FGD4: variants seen among roughly 807,000 people sequenced by gnomAD.
FGD4 encodes FYVE, RhoGEF and PH domain containing 4.
In FGD4, 42 loss-of-function variants were observed where a neutral mutation model predicts 102.0. The ratio of observed to expected loss-of-function variants is 0.41; its 90% confidence interval spans 0.32 to 0.53. The LOEUF is 0.53. Ranked by LOEUF, FGD4 falls within the 20% of genes least tolerant of loss-of-function variation. The probability of loss-of-function intolerance (pLI) is 0.21; values close to 1 mark genes in which losing one functional copy is unlikely to be tolerated. For missense variants in FGD4, 902 were observed against 1,078.2 expected, an observed-to-expected ratio of 0.84 and a Z score of 2.29; for synonymous variants, 380 against 375.7, an observed-to-expected ratio of 1.01 and a Z score of -0.13.
At chr12:32,460,386 G>T (rs1248513518) in intron 1 of FGD4, among the ~76,000 whole-genome samples, 1 of 151,782 alleles carries the variant, frequency 6.6e-6, no homozygotes, top group African/African-American at 2.4e-5. Context: ...GTGGTGGTGC[G>T]TGCCCGTAGC....
intron 10 of FGD4, among the ~76,000 whole-genome samples, chr12:32,611,780 A>G (rs933730469): frequency 6.6e-6 from 1 of 152,236 alleles, no homozygotes. Flanking sequence ...TATGGATGGC[A>G]GGCAGTAGTG....
chr12:32,579,802 C>A (rs919272685), intron 3 of FGD4, among the ~76,000 whole-genome samples: 2 of 152,128 alleles, frequency 1.3e-5, no homozygotes, highest in African/African-American at 4.8e-5. Flanking sequence ...TGACATTTTC[C>A]CCTACTCAAT....
At chr12:32,447,616 G>T (rs1469105092) in intron 1 of FGD4, among the ~76,000 whole-genome samples, 1 of 152,154 alleles carries the variant, frequency 6.6e-6, no homozygotes, top group East Asian at 1.9e-4. Flanking sequence ...AGAATTAAAT[G>T]TACAACTGAA....
chr12:32,453,735 T>G (rs780158653), intron 1 of FGD4, among the ~76,000 whole-genome samples: 106 of 152,188 alleles, frequency 7.0e-4, no homozygotes, highest in Non-Finnish European at 1.3e-3. Flanking sequence ...ACTTTATTTT[T>G]TAGATTTTCA....
At chr12:32,617,644 A>C (rs1377380908) in intron 10 of FGD4, among the ~76,000 whole-genome samples, 1 of 152,252 alleles carries the variant, frequency 6.6e-6, no homozygotes, top group East Asian at 1.9e-4. Flanking sequence ...GGCATGAAAT[A>C]AAAGGGAATC....
intron 1 of FGD4, among the ~76,000 whole-genome samples, chr12:32,494,321 G>A (rs1169436212): frequency 1.3e-5 from 2 of 152,114 alleles, no homozygotes; most frequent in African/African-American, 4.8e-5. Flanking sequence ...GAGGTGCTGG[G>A]ATTTCGCAAA....
intron 15 of FGD4, among the ~76,000 whole-genome samples, chr12:32,638,332 C>T (rs1468825969): frequency 6.6e-6 from 1 of 152,186 alleles, no homozygotes; most frequent in Non-Finnish European, 1.5e-5. Context: ...TATTTAAACT[C>T]TGAGCCTCAG....
chr12:32,586,821 G>A lies in FGD4; in HGVS notation c.1011+4354G>A, dbSNP rs568458386. Among the ~76,000 whole-genome samples the A allele has an allele frequency of 3.3e-5, 5 of 152,162 alleles. No homozygotes were observed. The South Asian group carries it at 8.3e-4, about 25-fold the overall frequency. On this transcript the variant is annotated intron_variant, in intron 4 of 16. Transcript: ENST00000534526. ...ATGGAAGGCAGAACCTATTTTGTGG[G>A]CAAAAAATAAATTACATTTTGCAAT...
intron 1 of FGD4, among the ~76,000 whole-genome samples, chr12:32,447,178 G>C (rs1260599787): frequency 6.6e-6 from 1 of 152,172 alleles, no homozygotes; most frequent in Non-Finnish European, 1.5e-5. Flanking sequence ...ACTCCTTTGA[G>C]AAAATTTTTC....
intron 1 of FGD4, among the ~76,000 whole-genome samples, chr12:32,515,862 C>G (rs1009897571): frequency 4.6e-5 from 7 of 152,122 alleles, no homozygotes; most frequent in African/African-American, 1.7e-4. Context: ...GCCAAAATCC[C>G]ACAGAGGAAG....
At chr12:32,536,640 CCTGGCGAA>C (rs1357296011) in intron 1 of FGD4, among the ~76,000 whole-genome samples, 2 of 152,126 alleles carry the variant, frequency 1.3e-5, no homozygotes, top group Non-Finnish European at 2.9e-5. Flanking sequence ...ATTTTTATTC[CCTGGCGAA>C]TTGACACAAG....
chr12:32,531,055 G>A (rs945723248), intron 1 of FGD4, among the ~76,000 whole-genome samples: 2 of 142,972 alleles, frequency 1.4e-5, no homozygotes, highest in Non-Finnish European at 3.0e-5. Context: ...GGGTTCAAGC[G>A]ATTCTCCTGC....
intron 1 of FGD4, among the ~76,000 whole-genome samples, chr12:32,470,537 C>T (rs1253881190): frequency 1.4e-5 from 2 of 145,088 alleles, no homozygotes; most frequent in Non-Finnish European, 3.0e-5. Context: ...GATCTTGGCT[C>T]ATTGCTCCTG....
chr12:32,621,746 A>C (rs1394466404), intron 11 of FGD4, among the ~76,000 whole-genome samples: 2 of 152,138 alleles, frequency 1.3e-5, no homozygotes, highest in Non-Finnish European at 2.9e-5. Context: ...TTTGAGTGTC[A>C]TTGTTTCCCT....
chr12:32,644,114 C>G lies in FGD4; in HGVS notation c.*3581C>G, dbSNP rs183761135. The G allele has an allele frequency of 6.6e-6, 1 of 152,096 alleles. No individual in the cohort carries two copies. Among genetic ancestry groups the G allele is most frequent in the African/African-American group, 2.4e-5 (1 of 41,446 alleles). The allele number at this position is 152,096 out of a possible 1,614,324, so 9.4% of individuals were successfully genotyped here. ...AGATTAAGCACATGATATTTATAAG[C>G]TAAAATTAACTCAAAAGTCAAGAAT... On this transcript the variant is annotated 3_prime_UTR_variant, in exon 17 of 17. Coordinates refer to ENST00000534526, the MANE Select transcript of FGD4 (RefSeq NM_001370298.3).
chr12:32,632,925 G>A (rs1183389625), intron 14 of FGD4, among the ~76,000 whole-genome samples: 2 of 151,968 alleles, frequency 1.3e-5, no homozygotes, highest in East Asian at 3.9e-4. Context: ...GCTTGGAGGA[G>A]GTTTAAGAGT....
At chr12:32,438,160 G>A (rs894717830) in intron 1 of FGD4, among the ~76,000 whole-genome samples, 11 of 152,200 alleles carry the variant, frequency 7.2e-5, no homozygotes, top group Admixed American at 7.2e-4. Context: ...CCAAAGTGCT[G>A]GGATTATAGG....
chr12:32,504,815 C>T (rs543638853), intron 1 of FGD4, among the ~76,000 whole-genome samples: 211 of 152,316 alleles, frequency 1.4e-3, no homozygotes, highest in Non-Finnish European at 2.2e-3. Context: ...GTTCAGCATA[C>T]GCAGTCAAGT....
At chr12:32,598,840 T>C (rs769657313) in intron 5 of FGD4, among the ~76,000 whole-genome samples, 12 of 152,242 alleles carry the variant, frequency 7.9e-5, no homozygotes, top group Non-Finnish European at 1.6e-4. Flanking sequence ...CCTATAAACT[T>C]AAACACTAGT....
Sources: allele counts gnomAD v4.1 joint callset (sites outside exome capture counted in the v4.1 genomes callset), GRCh38; gene constraint gnomAD v4.1.1; transcripts MANE v1.5; gene names NCBI Gene and HGNC (gene_info 2026-07-23, HGNC 2026-07-21).